The following TRAPPC9 variants were observed in gnomAD, a reference collection of about 807,000 sequenced individuals.
TRAPPC9 encodes the protein IKK2 binding protein.
TRAPPC9 carries 83 observed loss-of-function variants against 124.0 expected under a neutral mutation model. The observed-to-expected ratio is 0.67, with a 90% CI of 0.56 to 0.80. The LOEUF (loss-of-function observed/expected upper bound fraction) is 0.80, where lower values mean the gene tolerates loss of function less well. Ranked by LOEUF, TRAPPC9 falls within the 30% of genes least tolerant of loss-of-function variation. TRAPPC9 has a pLI of 0.00. For synonymous variants in TRAPPC9, 638 were observed against 617.5 expected (o/e 1.03, Z -0.49); for missense variants, 1,302 against 1,508.3 (o/e 0.86, Z 2.27).
intron 17 of TRAPPC9, among the ~76,000 whole-genome samples, chr8:140,215,737 C>G (rs966444540): frequency 1.3e-5 from 2 of 152,088 alleles, no homozygotes; most frequent in Admixed American, 6.5e-5. Context: ...CCTAAACTTC[C>G]GCTTCCCCAC....
chr8:140,436,033 A>G (rs989599652), intron 3 of TRAPPC9, among the ~76,000 whole-genome samples: 3 of 152,224 alleles, frequency 2.0e-5, no homozygotes, highest in African/African-American at 7.2e-5. Context: ...AAAAGGATTT[A>G]AGTATTTATG....
In TRAPPC9 at chr8:139,825,585, T is replaced by C. The variant is rs182395382; in HGVS notation, c.3055+60294A>G. On this transcript the variant is annotated intron_variant, in intron 21 of 22. Transcript: ENST00000438773. The surrounding 1 kb of genome is among the most constrained non-coding windows in gnomAD (Gnocchi z 4.6). The stretch of plus-strand genomic sequence containing the variant: ...GATCAATTAATGTTCCCAAGAAAAA[T>C]GGAAATTTAATTTCCATAGTAAGTT... Among the ~76,000 whole-genome samples, 4 of 152,180 alleles carry C rather than the reference T, an allele frequency of 2.6e-5. No homozygotes were observed. Among genetic ancestry groups the C allele is most frequent in the Non-Finnish European group, 5.9e-5 (4 of 68,008 alleles).
At chr8:140,050,305 T>C (rs939975343) in intron 17 of TRAPPC9, among the ~76,000 whole-genome samples, 3 of 152,160 alleles carry the variant, frequency 2.0e-5, no homozygotes, top group Admixed American at 6.5e-5. Flanking sequence ...TGGCATGAAA[T>C]ATGCGCATTA....
chr8:140,360,757 G>A (rs934335772), intron 8 of TRAPPC9, among the ~76,000 whole-genome samples: 16 of 152,272 alleles, frequency 1.1e-4, no homozygotes, highest in African/African-American at 3.4e-4. Context: ...TTTAAGAGAT[G>A]AGGTCTTTCT....
chr8:139,878,276 C>G (rs1252206102), intron 21 of TRAPPC9, among the ~76,000 whole-genome samples: 1 of 152,116 alleles, frequency 6.6e-6, no homozygotes, highest in Non-Finnish European at 1.5e-5. Context: ...AGTATAAATA[C>G]AGTAGGATCA....
At chr8:140,019,542 CTTTTTTTTTTTTTT>C (rs71320340) in intron 18 of TRAPPC9, among the ~76,000 whole-genome samples, 2 of 43,838 alleles carry the variant, frequency 4.6e-5, no homozygotes, top group Non-Finnish European at 8.2e-5. Context: ...TAATTTGTGT[CTTTTTTTTTTTTTT>C]TTTTTTTTTT....
At chr8:140,137,710 T>G (rs1243078449) in intron 17 of TRAPPC9, among the ~76,000 whole-genome samples, 7 of 152,248 alleles carry the variant, frequency 4.6e-5, no homozygotes, top group Non-Finnish European at 8.8e-5. Context: ...GCTTCAGTAT[T>G]TCGTTTACAA....
chr8:140,365,459 A>G (rs1034295708), intron 8 of TRAPPC9, among the ~76,000 whole-genome samples: 1 of 152,250 alleles, frequency 6.6e-6, no homozygotes, highest in African/African-American at 2.4e-5. Flanking sequence ...GGCCACAGCT[A>G]GCCTTGGCGT....
At chr8:140,322,509 C>T (rs923081520) in intron 9 of TRAPPC9, among the ~76,000 whole-genome samples, 43 of 152,270 alleles carry the variant, frequency 2.8e-4, no homozygotes, top group African/African-American at 9.4e-4. Flanking sequence ...AGAGCAAGCA[C>T]TTTTTAAATA....
chr8:139,869,493 A>G (rs1204967103), intron 21 of TRAPPC9, among the ~76,000 whole-genome samples: 2 of 152,246 alleles, frequency 1.3e-5, no homozygotes, highest in African/African-American at 4.8e-5. Context: ...ATGGACCCAC[A>G]TGAGCATTAG....
At chr8:139,789,524 G>A (rs1221564126) in intron 21 of TRAPPC9, among the ~76,000 whole-genome samples, 2 of 152,156 alleles carry the variant, frequency 1.3e-5, no homozygotes, top group Non-Finnish European at 2.9e-5. Flanking sequence ...TTAACACAGG[G>A]AGGGGCGAGT....
chr8:139,870,249 T>G (rs1365026667), intron 21 of TRAPPC9, among the ~76,000 whole-genome samples: 4 of 152,208 alleles, frequency 2.6e-5, no homozygotes, highest in Non-Finnish European at 5.9e-5. Flanking sequence ...GCACTCACCT[T>G]AGTATATTCC....
chr8:140,013,724 C>T lies in TRAPPC9; in HGVS notation c.2699+10213G>A, dbSNP rs115509127. ...ACCTGACACACAACAGAAGTGCATA[C>T]ACACAAGGAAAATGACAACCACCAA... On this transcript the variant is annotated intron_variant, in intron 18 of 22. Transcript: ENST00000438773. Among the ~76,000 whole-genome samples, 158 of 152,306 alleles carry T rather than the reference C, an allele frequency of 1.0e-3. 1 individual carries two copies. Among genetic ancestry groups the T allele is most frequent in the African/African-American group, 3.2e-3 (134 of 41,572 alleles).
chr8:140,178,545 A>G (rs2062124388), intron 17 of TRAPPC9, among the ~76,000 whole-genome samples: 1 of 152,048 alleles, frequency 6.6e-6, no homozygotes, highest in African/African-American at 2.4e-5. Context: ...CTAATTTTTC[A>G]AGGGTTTTGC....
At chr8:140,358,845 G>A (rs1255563470) in intron 9 of TRAPPC9, among the ~76,000 whole-genome samples, 1 of 152,170 alleles carries the variant, frequency 6.6e-6, no homozygotes. Flanking sequence ...GTCCTTGACG[G>A]GCAAGAGCCC....
intron 10 of TRAPPC9, among the ~76,000 whole-genome samples, chr8:140,305,740 G>C (rs185346103): frequency 1.3e-5 from 2 of 152,202 alleles, no homozygotes; most frequent in Admixed American, 1.3e-4. Context: ...CATCTAATTA[G>C]AGGCAAAATT....
chr8:139,734,906 T>G (rs1818056643), intron 21 of TRAPPC9, among the ~76,000 whole-genome samples: 1 of 152,234 alleles, frequency 6.6e-6, no homozygotes, highest in Admixed American at 6.5e-5. Context: ...CTAGTGTTTT[T>G]CAAGGCTATG....
chr8:140,191,178 G>A (rs755951450), intron 17 of TRAPPC9, among the ~76,000 whole-genome samples: 8 of 152,282 alleles, frequency 5.3e-5, no homozygotes, highest in South Asian at 2.1e-4. Context: ...ATTGAGGGCC[G>A]ACAACGTGCC....
intron 19 of TRAPPC9, among the ~76,000 whole-genome samples, chr8:139,967,394 G>A (rs934963070): frequency 2.6e-5 from 4 of 152,234 alleles, no homozygotes; most frequent in African/African-American, 9.6e-5. Context: ...TGGGCCATTT[G>A]TTACTGGAGA....
Sources: allele counts gnomAD v4.1 joint callset (sites outside exome capture counted in the v4.1 genomes callset), GRCh38; gene constraint gnomAD v4.1.1; non-coding constraint Gnocchi (gnomAD v3.1); transcripts MANE v1.5; gene names NCBI Gene and HGNC (gene_info 2026-07-23, HGNC 2026-07-21).